ABTB3: variants seen among roughly 807,000 people sequenced by gnomAD.
ABTB3 encodes ankyrin repeat and BTB domain containing 3, also known as ankyrin repeat- and BTB/POZ domain-containing protein 3.
the ABTB3 span, among the ~76,000 whole-genome samples, chr12:107,526,603 C>T: frequency 5.7e-4 from 86 of 151,952 alleles, no homozygotes; most frequent in Non-Finnish European, 1.1e-3. Flanking sequence ...AGCTGACAGT[C>T]ATTAATTATA....
At chr12:107,369,392 G>GGT in the ABTB3 span, among the ~76,000 whole-genome samples, 7 of 134,904 alleles carry the variant, frequency 5.2e-5, no homozygotes, top group Non-Finnish European at 1.1e-4. Flanking sequence ...TCAAACAAGG[G>GGT]TTTTTTTTTT....
the ABTB3 span, among the ~76,000 whole-genome samples, chr12:107,541,900 C>T: frequency 2.7e-5 from 4 of 149,372 alleles, no homozygotes; most frequent in African/African-American, 9.9e-5. Flanking sequence ...ATGTGTACCC[C>T]CGAACCTAAA....
chr12:107,579,886 G>A, the ABTB3 span, among the ~76,000 whole-genome samples: 1 of 152,204 alleles, frequency 6.6e-6, no homozygotes, highest in Non-Finnish European at 1.5e-5. Context: ...CTCAAAGTGT[G>A]GTACTTGGCC....
the ABTB3 span, among the ~76,000 whole-genome samples, chr12:107,341,762 G>T: frequency 6.6e-6 from 1 of 152,136 alleles, no homozygotes; most frequent in East Asian, 1.9e-4. Flanking sequence ...AGTGAGCCTG[G>T]TGGGAGGTGT....
chr12:107,644,136 T>C, the ABTB3 span, among the ~76,000 whole-genome samples: 1 of 152,178 alleles, frequency 6.6e-6, no homozygotes, highest in South Asian at 2.1e-4. Flanking sequence ...AAAGTCTTAG[T>C]TCTAGTTAGC....
chr12:107,483,895 T>C, the ABTB3 span, among the ~76,000 whole-genome samples: 1 of 152,174 alleles, frequency 6.6e-6, no homozygotes, highest in Non-Finnish European at 1.5e-5. Flanking sequence ...TCTCACTGTG[T>C]TGTCCACACT....
the ABTB3 span, among the ~76,000 whole-genome samples, chr12:107,356,353 A>T: frequency 6.6e-6 from 1 of 152,220 alleles, no homozygotes; most frequent in Non-Finnish European, 1.5e-5. Context: ...GAATGAATGC[A>T]CTTCCCCTTC....
chr12:107,445,353 G>A, the ABTB3 span, among the ~76,000 whole-genome samples: 1 of 152,172 alleles, frequency 6.6e-6, no homozygotes, highest in African/African-American at 2.4e-5. Context: ...CCTACCATAT[G>A]CCAGGCACAC....
chr12:107,354,235 A>G, the ABTB3 span, among the ~76,000 whole-genome samples: 1 of 152,184 alleles, frequency 6.6e-6, no homozygotes, highest in Non-Finnish European at 1.5e-5. Context: ...TTCTTGAGAT[A>G]TAATTCACAT....
At chr12:107,645,749 T>C in the ABTB3 span, among the ~76,000 whole-genome samples, 1 of 152,206 alleles carries the variant, frequency 6.6e-6, no homozygotes, top group East Asian at 1.9e-4. Context: ...GCGGCCTCAC[T>C]GAACGAGACC....
At chr12:107,393,089 CG>C in the ABTB3 span, among the ~76,000 whole-genome samples, 1 of 151,938 alleles carries the variant, frequency 6.6e-6, no homozygotes, top group South Asian at 2.1e-4. Flanking sequence ...CTTCTGCAGC[CG>C]CCGCTGAAGA....
At chr12:107,484,120 A>G in the ABTB3 span, among the ~76,000 whole-genome samples, 1 of 152,340 alleles carries the variant, frequency 6.6e-6, no homozygotes, top group Admixed American at 6.5e-5. Flanking sequence ...GGAGAAGGAA[A>G]CACAACGACA....
chr12:107,450,665 T>A, the ABTB3 span, among the ~76,000 whole-genome samples: 1 of 152,158 alleles, frequency 6.6e-6, no homozygotes, highest in South Asian at 2.1e-4. Context: ...ACTCTAATCC[T>A]CCTTCCTGTG....
At chr12:107,508,434 A>ATTTTTTTTTTTT in the ABTB3 span, among the ~76,000 whole-genome samples, 7 of 58,728 alleles carry the variant, frequency 1.2e-4, no homozygotes, top group Non-Finnish European at 1.9e-4. Context: ...CTCAAAGATC[A>ATTTTTTTTTTTT]TTTCTTTTTT....
the ABTB3 span, chr12:107,618,068 G>T: frequency 2.4e-6 from 3 of 1,240,878 alleles, no homozygotes; most frequent in Admixed American, 6.0e-5. Flanking sequence ...CAAGCTAGTG[G>T]TCCCCTGCTT....
chr12:107,338,286 C>T, the ABTB3 span, among the ~76,000 whole-genome samples: 14 of 152,178 alleles, frequency 9.2e-5, no homozygotes, highest in East Asian at 7.7e-4. Flanking sequence ...AACCCCACAA[C>T]GCCTTATTAT....
At chr12:107,365,781 C>A in the ABTB3 span, among the ~76,000 whole-genome samples, 1 of 152,222 alleles carries the variant, frequency 6.6e-6, no homozygotes, top group Non-Finnish European at 1.5e-5. Flanking sequence ...CAGTGAATGA[C>A]CCTACCTGCT....
At chr12:107,407,963 C>T in the ABTB3 span, among the ~76,000 whole-genome samples, 1 of 152,002 alleles carries the variant, frequency 6.6e-6, no homozygotes, top group African/African-American at 2.4e-5. Flanking sequence ...ACTGCAAAGT[C>T]CTGGAATGCT....
the ABTB3 span, among the ~76,000 whole-genome samples, chr12:107,561,802 T>C: frequency 2.0e-5 from 3 of 152,174 alleles, no homozygotes; most frequent in Non-Finnish European, 4.4e-5. Context: ...GCTACTCCAA[T>C]TCACACAGAA....
Sources: allele counts gnomAD v4.1 joint callset (sites outside exome capture counted in the v4.1 genomes callset), GRCh38; gene constraint gnomAD v4.1.1; transcripts MANE v1.5; gene names NCBI Gene and HGNC (gene_info 2026-07-23, HGNC 2026-07-21).